Variants in TPO observed in about 807,000 individuals in gnomAD.
TPO encodes thyroid microsomal antigen.
Under a neutral mutation model 96.9 loss-of-function variants are expected in TPO, and 78 were observed. That is an observed-to-expected ratio of 0.81 (90% CI 0.67 to 0.97). TPO has a LOEUF of 0.97. Among genes scored for constraint, TPO ranks in the 50% least tolerant of loss-of-function variants. The pLI is 0.00. For synonymous variants in TPO, 547 were observed against 538.0 expected (o/e 1.02, Z -0.23); for missense variants, 1,252 against 1,274.8 (o/e 0.98, Z 0.27).
intron 10 of TPO, among the ~76,000 whole-genome samples, chr2:1,489,740 G>T (rs375406629): frequency 2.6e-5 from 4 of 152,388 alleles, no homozygotes; most frequent in South Asian, 2.1e-4. Context: ...GGGAACAGGA[G>T]TAAGACCAGC....
At position 1,493,886 on chromosome 2, in the gene TPO, T is replaced by C; in HGVS notation, c.1853T>C (p.Val618Ala). ...DLSTAIASRSVADKILDLYKH... is the reference protein window; with the variant it reads ...DLSTAIASRSAADKILDLYKH... ...AGCACAGCCATCGCCAGCAGGAGCG[T>C]GGCCGACAAGATCCTGGACTTGTAC... The change falls in exon 11 of 17, where the codon GTG (valine) becomes GCG (alanine). Residue 618 changes from valine (V) to alanine (A), a missense_variant. Coordinates refer to ENST00000329066, the MANE Select transcript of TPO (RefSeq NM_001206744.2). 2 of 1,614,152 alleles carry C rather than the reference T, an allele frequency of 1.2e-6. No individual in the cohort carries two copies. Among genetic ancestry groups the C allele is most frequent in the Non-Finnish European group, 1.7e-6 (2 of 1,180,026 alleles).
chr2:1,505,658 G>C (rs931095831), intron 14 of TPO, among the ~76,000 whole-genome samples: 4 of 151,964 alleles, frequency 2.6e-5, no homozygotes, highest in Non-Finnish European at 4.4e-5. Context: ...AGAACATGCA[G>C]GTTTGTTACA....
At chr2:1,399,939 C>T (rs1204679013) in intron 1 of TPO, among the ~76,000 whole-genome samples, 2 of 152,178 alleles carry the variant, frequency 1.3e-5, no homozygotes, top group Non-Finnish European at 2.9e-5. Context: ...TTACTGGTAG[C>T]CCCACTTAAT....
At chr2:1,455,696 G>A (rs1667725479) in intron 6 of TPO, among the ~76,000 whole-genome samples, 1 of 152,228 alleles carries the variant, frequency 6.6e-6, no homozygotes, top group African/African-American at 2.4e-5. Context: ...ACTCGCTTGT[G>A]GCTGGAGGCT....
chr2:1,481,867 G>A (rs1670677211), intron 8 of TPO, among the ~76,000 whole-genome samples: 1 of 152,076 alleles, frequency 6.6e-6, no homozygotes, highest in Non-Finnish European at 1.5e-5. Flanking sequence ...TGTGGAGGCT[G>A]TTCCCTGCCC....
intron 11 of TPO, among the ~76,000 whole-genome samples, chr2:1,494,347 G>A (rs1486415873): frequency 6.6e-6 from 1 of 152,232 alleles, no homozygotes; most frequent in Non-Finnish European, 1.5e-5. Context: ...ACAGCCCGGA[G>A]ACTGCATCCC....
chr2:1,510,656 T>C (rs1674010381), intron 14 of TPO, among the ~76,000 whole-genome samples: 2 of 152,114 alleles, frequency 1.3e-5, no homozygotes, highest in African/African-American at 4.8e-5. Context: ...TAAGAGAACT[T>C]GCCCACTACC....
chr2:1,454,446 C>T (rs1667602391), intron 6 of TPO, among the ~76,000 whole-genome samples: 2 of 152,184 alleles, frequency 1.3e-5, no homozygotes, highest in Admixed American at 6.5e-5. Flanking sequence ...TGGACAGATA[C>T]ACCAGCACAG....
chr2:1,422,347 C>CATTGTG (rs1663738776), intron 2 of TPO, among the ~76,000 whole-genome samples: 1 of 140,598 alleles, frequency 7.1e-6, no homozygotes, highest in Admixed American at 6.9e-5. Context: ...CCTGGACCGA[C>CATTGTG]CTCGTGCAGG....
intron 1 of TPO, among the ~76,000 whole-genome samples, chr2:1,403,114 C>T (rs1217885553): frequency 3.3e-5 from 5 of 152,220 alleles, no homozygotes; most frequent in African/African-American, 9.7e-5. Flanking sequence ...ATTGCCTGCT[C>T]ATGACCTAAG....
chr2:1,435,462 T>G (rs1665476180), intron 4 of TPO, among the ~76,000 whole-genome samples: 1 of 152,236 alleles, frequency 6.6e-6, no homozygotes, highest in South Asian at 2.1e-4. Context: ...TATCTGAAAA[T>G]GGAATGCATT....
intron 2 of TPO, among the ~76,000 whole-genome samples, chr2:1,421,766 C>A (rs1163192484): frequency 1.3e-5 from 2 of 152,186 alleles, no homozygotes; most frequent in African/African-American, 4.8e-5. Context: ...GAATGCTGGT[C>A]CTTGAGGTCC....
chr2:1,500,849 G>A (rs933379110), intron 13 of TPO, among the ~76,000 whole-genome samples: 4 of 151,884 alleles, frequency 2.6e-5, no homozygotes, highest in Non-Finnish European at 4.4e-5. Flanking sequence ...GTAGGCGCCT[G>A]TAATCCCAGC....
chr2:1,532,954 A>G (rs1678659354), intron 15 of TPO, among the ~76,000 whole-genome samples: 1 of 107,164 alleles, frequency 9.3e-6, no homozygotes, highest in Non-Finnish European at 1.8e-5. Flanking sequence ...ACCTCCTCAA[A>G]TCCCCCCACT....
At chr2:1,458,822 G>C (rs1668133088) in intron 7 of TPO, among the ~76,000 whole-genome samples, 1 of 152,196 alleles carries the variant, frequency 6.6e-6, no homozygotes, top group South Asian at 2.1e-4. Flanking sequence ...TATTCCATTT[G>C]TGTGTGCATT....
In TPO at chr2:1,516,970, T is replaced by C; in HGVS notation, c.2606T>C (p.Val869Ala). ...IGGFAGLTST[V>A]ICRWTRTGTK... ...GGCTTCGCAGGTCTCACCTCGACGG[T>C]GATTTGCAGGTGGTAAGTCCTTCAC... Residue 869 changes from valine (V) to alanine (A), a missense_variant, in exon 15 of 17, where the codon GTG becomes GCG. Coordinates refer to ENST00000329066, the MANE Select transcript of TPO (RefSeq NM_001206744.2). The C allele has an allele frequency of 6.2e-7, 1 of 1,613,928 alleles. No individual in the cohort carries two copies.
intron 8 of TPO, chr2:1,478,289 G>A: frequency 3.0e-6 from 3 of 984,486 alleles, no homozygotes; most frequent in Non-Finnish European, 3.6e-6. Context: ...GGGTCTCACA[G>A]GTTGTTAGGA....
At chr2:1,420,066 G>GT (rs1663351658) in intron 2 of TPO, among the ~76,000 whole-genome samples, 1 of 152,160 alleles carries the variant, frequency 6.6e-6, no homozygotes, top group Non-Finnish European at 1.5e-5. Flanking sequence ...CTGGGAGGAA[G>GT]TTTTCAATAC....
At chr2:1,412,299 T>C (rs919490165), upstream of TPO, among the ~76,000 whole-genome samples, 7 of 152,230 alleles carry the variant, frequency 4.6e-5, no homozygotes, top group African/African-American at 1.7e-4. Flanking sequence ...TCTGTGCTTT[T>C]CTTCTGTTCC....
Sources: gnomAD v4.1 joint callset for allele counts (sites outside exome capture counted in the v4.1 genomes callset) on GRCh38, gnomAD v4.1.1 for gene constraint, MANE v1.5 for transcripts, NCBI Gene and HGNC (gene_info 2026-07-23, HGNC 2026-07-21) for gene names.